ZNF529: variants seen among roughly 807,000 people sequenced by gnomAD.
The protein encoded by ZNF529 is zinc finger protein 529.
A neutral mutation model predicts 10.1 loss-of-function variants in ZNF529; 11 were observed. The observed-to-expected ratio is 1.09, with a 90% CI of 0.69 to 1.81. The LOEUF is 1.81. Ranked by LOEUF, ZNF529 falls within the 40% of genes most tolerant of loss-of-function variation. The probability of loss-of-function intolerance (pLI) is 0.00; values close to 1 mark genes in which losing one functional copy is unlikely to be tolerated. For missense variants in ZNF529, 624 were observed against 666.8 expected, an observed-to-expected ratio of 0.94 and a Z score of 0.71; for synonymous variants, 204 against 215.7, an observed-to-expected ratio of 0.95 and a Z score of 0.47.
At position 36,573,269 on chromosome 19, in the gene ZNF529, C is replaced by A. The variant is rs1196590056; in HGVS notation, c.-176G>T. On this transcript the variant is annotated 5_prime_UTR_variant, in exon 1 of 5. Coordinates refer to ENST00000591340, the MANE Select transcript of ZNF529 (RefSeq NM_020951.5). ...CAGCCCGGCCCGGGTCACCTCGACT[C>A]GCCAGGCTTAACTCAATAACCACAA... 3 of 304,944 alleles carry A rather than the reference C, an allele frequency of 9.8e-6. No homozygotes were observed. The highest frequency in any genetic ancestry group is 7.9e-5 in the Admixed American group (2 of 25,364). The allele number at this position is 304,944 out of a possible 1,614,324, so 18.9% of individuals were successfully genotyped here.
rs2035015117 is a variant in ZNF529 at position 36,546,235 on chromosome 19, A to ACACTATAT, written c.*630_*631insATATAGTG. 6.8e-6 allele frequency: 1 copy of ACACTATAT among 148,010 alleles called. No homozygotes were observed. Among genetic ancestry groups the ACACTATAT allele is most frequent in the East Asian group, 2.0e-4 (1 of 5,020 alleles). The allele number at this position is 148,010 out of a possible 1,614,324, so 9.2% of individuals were successfully genotyped here. On this transcript the variant is annotated 3_prime_UTR_variant, in exon 5 of 5. Coordinates refer to ENST00000591340, the MANE Select transcript of ZNF529 (RefSeq NM_020951.5). Reference sequence around the variant, plus strand: ...ATGTGTATATACACTATATGTATATAGTGTGTGTGTGTGTGTGTGTGTGTT... The same window carrying ACACTATAT: ...ATGTGTATATACACTATATGTATATACACTATATGTGTGTGTGTGTGTGTGTGTGTGTT...
intron 1 of ZNF529, among the ~76,000 whole-genome samples, chr19:36,596,057 CTTTTTTTTTTTT>C (rs61695534): frequency 4.4e-5 from 3 of 68,618 alleles, no homozygotes; most frequent in Non-Finnish European, 7.7e-5. Flanking sequence ...TCCTGAAGCT[CTTTTTTTTTTTT>C]TTTTTTTTTT....
intron 4 of ZNF529, among the ~76,000 whole-genome samples, chr19:36,549,006 A>T (rs1288998584): frequency 6.6e-6 from 1 of 152,198 alleles, no homozygotes; most frequent in Non-Finnish European, 1.5e-5. Flanking sequence ...CCGTCTCAAA[A>T]AAAACCACCT....
chr19:36,572,718 T>TTATCTATC (rs559158988), intron 1 of ZNF529, among the ~76,000 whole-genome samples: 94 of 151,148 alleles, frequency 6.2e-4, no homozygotes, highest in African/African-American at 2.1e-3. Context: ...TTTATCTATC[T>TTATCTATC]TATCTATCTA....
intron 2 of ZNF529, among the ~76,000 whole-genome samples, chr19:36,570,360 CAAAAAAAAAAAA>C: frequency 1.4e-5 from 1 of 70,574 alleles, no homozygotes; most frequent in African/African-American, 5.5e-5. Flanking sequence ...GACCCTATCT[CAAAAAAAAAAAA>C]AAAAAAAAAG....
chr19:36,563,295 C>A (rs535265933), intron 2 of ZNF529, among the ~76,000 whole-genome samples: 2 of 151,608 alleles, frequency 1.3e-5, no homozygotes, highest in African/African-American at 4.9e-5. Context: ...TGGTGGTGTG[C>A]GCCTCTAATC....
rs1486584830 is a variant in ZNF529, at chr19:36,545,031, T to A, written c.*1835A>T. 6.7e-6 allele frequency: 1 copy of A among 150,298 alleles called. No homozygotes were observed. Among genetic ancestry groups the A allele is most frequent in the Non-Finnish European group, 1.5e-5 (1 of 67,806 alleles). 9.3% of individuals were successfully genotyped at this position (150,298 alleles called of 1,614,324 possible). A position where few individuals can be genotyped will look rare whatever the true frequency, so the allele number is the denominator to read the frequency against. On this transcript the variant is annotated 3_prime_UTR_variant, in exon 5 of 5. Transcript: ENST00000591340. ...ACAAGGTCAGGAAATCGAGACTGTC[T>A]TGGCCAACGTGGTGAAACTCCATAT...
chr19:36,589,050 C>A (rs945603100), intron 2 of ZNF529, among the ~76,000 whole-genome samples: 6 of 151,748 alleles, frequency 4.0e-5, no homozygotes, highest in African/African-American at 1.5e-4. Context: ...CTCAAGTGAG[C>A]CTTTCACCTC....
chr19:36,562,832 A>G (rs2035757938), intron 2 of ZNF529, among the ~76,000 whole-genome samples: 1 of 118,870 alleles, frequency 8.4e-6, no homozygotes, highest in Non-Finnish European at 1.7e-5. Context: ...CTCTGTCTCC[A>G]GAAAAAAAAA....
intron 1 of ZNF529, among the ~76,000 whole-genome samples, chr19:36,592,059 A>T (rs1355450565): frequency 6.6e-6 from 1 of 151,608 alleles, no homozygotes; most frequent in Non-Finnish European, 1.5e-5. Flanking sequence ...GGATCACTTG[A>T]GGTCGGGAGT....
chr19:36,588,695 T>C (rs1315962888), intron 2 of ZNF529, among the ~76,000 whole-genome samples: 1 of 152,122 alleles, frequency 6.6e-6, no homozygotes, highest in Non-Finnish European at 1.5e-5. Flanking sequence ...GATCCATCCA[T>C]TGTGGATCAA....
At position 36,545,139 on chromosome 19, in the gene ZNF529, G is replaced by A. The variant is rs1010853418; in HGVS notation, c.*1727C>T. ...GCAGGCTGAGGCAGGGGAATCGCTT[G>A]AACCTGGGAGGTGGAGGTTGCAGTG... On this transcript the variant is annotated 3_prime_UTR_variant, in exon 5 of 5. Coordinates refer to ENST00000591340, the MANE Select transcript of ZNF529 (RefSeq NM_020951.5). 1.3e-5 allele frequency: 2 copies of A among 152,364 alleles called. No individual in the cohort carries two copies. Among genetic ancestry groups the A allele is most frequent in the Admixed American group, 1.3e-4 (2 of 15,268 alleles). The allele number at this position is 152,364 out of a possible 1,614,324, so 9.4% of individuals were successfully genotyped here. A position where few individuals can be genotyped will look rare whatever the true frequency, so the allele number is the denominator to read the frequency against.
At chr19:36,557,542 C>T (rs994226219) in intron 2 of ZNF529, among the ~76,000 whole-genome samples, 2 of 152,162 alleles carry the variant, frequency 1.3e-5, no homozygotes, top group African/African-American at 4.8e-5. Context: ...ATTACAAGAA[C>T]AGTATGGGGG....
intron 1 of ZNF529, among the ~76,000 whole-genome samples, chr19:36,603,342 T>C (rs1055264481): frequency 2.6e-5 from 4 of 152,140 alleles, no homozygotes; most frequent in African/African-American, 9.7e-5. Context: ...AGGAAGGGCA[T>C]CTGATGAGGT....
chr19:36,547,244 A>T lies in ZNF529; in HGVS notation c.1314T>A (p.Thr438=), dbSNP rs1568570274. The T allele has an allele frequency of 6.2e-7, 1 of 1,613,780 alleles. No homozygotes were observed. Among genetic ancestry groups the T allele is most frequent in the Non-Finnish European group, 8.5e-7 (1 of 1,179,812 alleles). Residue 438 remains threonine, a synonymous_variant, in exon 5 of 5, where the codon ACT becomes ACA. Coordinates refer to ENST00000591340, the MANE Select transcript of ZNF529 (RefSeq NM_020951.5). ...EKAFGVGSEL[T]RHERIHSGQK... is the part of the protein sequence containing the mutation. ...GACCACTGTGAATTCTTTCATGTCG[A>T]GTAAGTTCACTACCTACTCCAAATG...
chr19:36,561,058 A>G (rs532436583), intron 2 of ZNF529, among the ~76,000 whole-genome samples: 2 of 152,328 alleles, frequency 1.3e-5, no homozygotes, highest in Admixed American at 6.5e-5. Context: ...AATGAACCCA[A>G]TGGCACTTCA....
At chr19:36,593,177 A>G (rs2036764652) in intron 1 of ZNF529, among the ~76,000 whole-genome samples, 1 of 152,074 alleles carries the variant, frequency 6.6e-6, no homozygotes, top group Non-Finnish European at 1.5e-5. Context: ...TAAAGAGTAG[A>G]TTCTTTTTTC....
At chr19:36,585,680 A>G (rs1026131094) in intron 2 of ZNF529, among the ~76,000 whole-genome samples, 5 of 152,254 alleles carry the variant, frequency 3.3e-5, no homozygotes, top group African/African-American at 1.2e-4. Context: ...TGCATACAAA[A>G]GAGATTACTA....
intron 1 of ZNF529, among the ~76,000 whole-genome samples, chr19:36,596,879 G>T (rs1466932113): frequency 1.3e-5 from 2 of 151,700 alleles, no homozygotes; most frequent in African/African-American, 4.8e-5. Context: ...AAAAGCATAT[G>T]GTTGATTTTG....
Sources: allele counts gnomAD v4.1 joint callset (sites outside exome capture counted in the v4.1 genomes callset), GRCh38; gene constraint gnomAD v4.1.1; transcripts MANE v1.5; gene names NCBI Gene and HGNC (gene_info 2026-07-23, HGNC 2026-07-21).